ZNF114: variants seen among roughly 807,000 people sequenced by gnomAD.
ZNF114 encodes zinc finger protein 114 (Y18).
ZNF114 carries 8 observed loss-of-function variants against 6.8 expected under a neutral mutation model. The observed-to-expected ratio is 1.18, with a 90% CI of 0.69 to 2.13. The LOEUF (loss-of-function observed/expected upper bound fraction) is 2.13. ZNF114 is among the 30% of genes most tolerant of loss of function. The probability of loss-of-function intolerance (pLI) is 0.00; values close to 1 mark genes in which losing one functional copy is unlikely to be tolerated. For missense variants in ZNF114, 472 were observed against 519.5 expected (o/e 0.91, Z 0.89); for synonymous variants, 169 against 185.5 (o/e 0.91, Z 0.72).
chr19:48,273,868 C>G (rs1477427983), intron 3 of ZNF114, among the ~76,000 whole-genome samples: 1 of 151,376 alleles, frequency 6.6e-6, no homozygotes, highest in Admixed American at 6.6e-5. Flanking sequence ...CGCCATTCTC[C>G]TGCCTCAGGC....
intron 3 of ZNF114, among the ~76,000 whole-genome samples, chr19:48,275,958 G>A (rs555616863): frequency 6.7e-6 from 1 of 149,724 alleles, no homozygotes; most frequent in Admixed American, 6.7e-5. Flanking sequence ...CTCCAGCCCG[G>A]GTGACAGAGT....
chr19:48,286,452 G>C lies in ZNF114; in HGVS notation c.828G>C (p.Lys276Asn). 6.2e-7 allele frequency: 1 copy of C among 1,614,206 alleles called. No homozygotes were observed. The highest frequency in any genetic ancestry group is 8.5e-7 in the Non-Finnish European group (1 of 1,180,042). Reference protein sequence around the residue: ...QMQLYTAETNKKDCQTGATSA... With the variant: ...QMQLYTAETNNKDCQTGATSA... ...AGTTGTATACCGCAGAGACAAACAA[G>C]AAGGATTGTCAAACTGGGGCAACCT... The change falls in exon 6 of 6, where the codon AAG (lysine) becomes AAC (asparagine). Residue 276 changes from lysine to asparagine, a missense_variant. Coordinates refer to ENST00000595607, the MANE Select transcript of ZNF114 (RefSeq NM_153608.4).
At chr19:48,272,523 G>A (rs1967691220) in intron 3 of ZNF114, among the ~76,000 whole-genome samples, 1 of 149,464 alleles carries the variant, frequency 6.7e-6, no homozygotes, top group Non-Finnish European at 1.5e-5. Context: ...GAACCTGGGA[G>A]GTGGAGATTG....
intron 3 of ZNF114, among the ~76,000 whole-genome samples, chr19:48,277,737 C>G (rs769010827): frequency 3.4e-5 from 5 of 147,742 alleles, no homozygotes; most frequent in African/African-American, 1.3e-4. Flanking sequence ...TTCATTGCCT[C>G]CTGCTTCTTA....
intron 3 of ZNF114, among the ~76,000 whole-genome samples, chr19:48,276,703 T>C (rs1383052166): frequency 3.9e-5 from 6 of 152,164 alleles, no homozygotes; most frequent in Non-Finnish European, 8.8e-5. Context: ...TTTAAATTTT[T>C]TGTAGAGATG....
chr19:48,283,744 T>TC (rs1303628563), intron 5 of ZNF114, among the ~76,000 whole-genome samples: 5 of 151,358 alleles, frequency 3.3e-5, no homozygotes, highest in African/African-American at 7.3e-5. Context: ...GTTTTTTTTT[T>TC]GTTTTTGAGA....
intron 3 of ZNF114, among the ~76,000 whole-genome samples, chr19:48,277,104 C>A (rs957986872): frequency 6.6e-6 from 1 of 151,864 alleles, no homozygotes; most frequent in Non-Finnish European, 1.5e-5. Context: ...GAAGTTGCAG[C>A]GAGCTGAGAT....
At chr19:48,276,885 G>A (rs547219691) in intron 3 of ZNF114, among the ~76,000 whole-genome samples, 4 of 152,240 alleles carry the variant, frequency 2.6e-5, no homozygotes, top group South Asian at 2.1e-4. Flanking sequence ...GGGACTGGGC[G>A]TGGTGGCTCA....
chr19:48,280,639 G>A lies in ZNF114; in HGVS notation c.9+831G>A, dbSNP rs190692823. ...ATGATCTCGGCTCACTGCAACCTCC[G>A]CCTTCCAGGTTCAAGTGATTCTCCT... On this transcript the variant is annotated intron_variant, in intron 4 of 5. Coordinates refer to ENST00000595607, the MANE Select transcript of ZNF114 (RefSeq NM_153608.4). Among the ~76,000 whole-genome samples, 890 of 145,924 alleles carry A rather than the reference G, an allele frequency of 6.1e-3. 6 individuals are homozygous for A. Among genetic ancestry groups the A allele is most frequent in the African/African-American group, 0.02 (775 of 39,586 alleles).
chr19:48,285,891 C>T lies in ZNF114; in HGVS notation c.267C>T (p.Asp89=). The change falls in exon 6 of 6, where the codon GAC becomes GAT. Residue 89 remains aspartate (D), a synonymous_variant. Transcript: ENST00000595607. Reference sequence around the variant, plus strand: ...CCCAGCACTCCACATTAAGAGAAGACTGGAGATGCCCCAAAACAGAGGAAC... The same window carrying T: ...CCCAGCACTCCACATTAAGAGAAGATTGGAGATGCCCCAAAACAGAGGAAC... ...ISSQHSTLRE[D]WRCPKTEEPH... is the part of the protein sequence containing the mutation. 6.2e-7 allele frequency: 1 copy of T among 1,614,178 alleles called. No individual in the cohort carries two copies. Among genetic ancestry groups the T allele is most frequent in the Non-Finnish European group, 8.5e-7 (1 of 1,180,046 alleles).
At chr19:48,280,713 C>T (rs925757709) in intron 4 of ZNF114, among the ~76,000 whole-genome samples, 6 of 151,872 alleles carry the variant, frequency 4.0e-5, no homozygotes, top group East Asian at 1.9e-4. Flanking sequence ...CCAGCACGCC[C>T]GGCTAATTTT....
intron 5 of ZNF114, among the ~76,000 whole-genome samples, 171 bp from the exon 6 acceptor site, chr19:48,285,586 GAAAA>G (rs1404089097): frequency 6.7e-6 from 1 of 149,476 alleles, no homozygotes; most frequent in Non-Finnish European, 1.5e-5. Flanking sequence ...GAAAGAAAGA[GAAAA>G]GAAAGAAAGG....
In ZNF114 at chr19:48,282,479, A is replaced by G; in HGVS notation, c.118A>G (p.Arg40Gly). 2 of 1,609,270 alleles carry G rather than the reference A, an allele frequency of 1.2e-6. No homozygotes were observed. Among genetic ancestry groups the G allele is most frequent in the Non-Finnish European group, 1.7e-6 (2 of 1,176,816 alleles). The change falls in exon 5 of 6, where the codon AGG becomes GGG. Residue 40 changes from arginine to glycine, a missense_variant. By Grantham distance (125) the Arg-to-Gly change is moderately radical (BLOSUM62 -2). Coordinates refer to ENST00000595607, the MANE Select transcript of ZNF114 (RefSeq NM_153608.4). Reference sequence around the variant, plus strand: ...CAGAGACGTGATGCTGGAAAATTCTAGGAACTTGGCATTCATAGGTAAGGA... The same window carrying G: ...CAGAGACGTGATGCTGGAAAATTCTGGGAACTTGGCATTCATAGGTAAGGA... Reference protein sequence around the residue: ...LYRDVMLENSRNLAFIDWATP... With the variant: ...LYRDVMLENSGNLAFIDWATP...
intron 5 of ZNF114, among the ~76,000 whole-genome samples, chr19:48,283,455 C>A (rs1319249445): frequency 6.6e-6 from 1 of 152,128 alleles, no homozygotes; most frequent in Non-Finnish European, 1.5e-5. Context: ...TTCAACTAGG[C>A]AAACCCAGTC....
Position 48,279,763 on chromosome 19 carries a change from G to C in ZNF114, c.-37G>C. 1 of 1,613,806 alleles carries C rather than the reference G, an allele frequency of 6.2e-7. No homozygotes were observed. On this transcript the variant is annotated 5_prime_UTR_variant, in exon 4 of 6. Transcript: ENST00000595607. Reference sequence around the variant, plus strand: ...TCACCTGCCTCCTTGAAGGAAACACGGGGAAGCCAGGACTGGCCGTCACGT... The same window carrying C: ...TCACCTGCCTCCTTGAAGGAAACACCGGGAAGCCAGGACTGGCCGTCACGT...
At chr19:48,284,151 G>A (rs987093266) in intron 5 of ZNF114, among the ~76,000 whole-genome samples, 1 of 152,130 alleles carries the variant, frequency 6.6e-6, no homozygotes, top group Non-Finnish European at 1.5e-5. Flanking sequence ...AGTTTCTCAC[G>A]GCATTCCTCA....
chr19:48,276,790 C>A (rs1048531142), intron 3 of ZNF114, among the ~76,000 whole-genome samples: 1 of 152,232 alleles, frequency 6.6e-6, no homozygotes, highest in Non-Finnish European at 1.5e-5. Context: ...TCCCAACATG[C>A]TGGGATTATA....
intron 4 of ZNF114, among the ~76,000 whole-genome samples, chr19:48,281,076 G>A (rs1038252172): frequency 6.6e-6 from 1 of 152,120 alleles, no homozygotes. Flanking sequence ...CCAGCAGTTC[G>A]AAGCTGCCGT....
At position 48,277,794 on chromosome 19, in the gene ZNF114, G is replaced by GGTGTGTGTGTGTGTGTGTGTGTGTGT. The variant is rs749201884; in HGVS notation, c.-69-1922_-69-1897dup. Among the ~76,000 whole-genome samples, 527 of 119,330 alleles carry GGTGTGTGTGTGTGTGTGTGTGTGTGT rather than the reference G, an allele frequency of 4.4e-3. 13 individuals are homozygous for GGTGTGTGTGTGTGTGTGTGTGTGTGT. The highest frequency in any genetic ancestry group is 0.015 in the East Asian group (58 of 3,970). 78.3% of individuals were successfully genotyped at this position (119,330 alleles called of 152,430 possible). On this transcript the variant is annotated intron_variant, in intron 3 of 5. Coordinates refer to ENST00000595607, the MANE Select transcript of ZNF114 (RefSeq NM_153608.4). ...GAATAGACTGACCAGGGAGGCATTG[G>GGTGTGTGTGTGTGTGTGTGTGTGTGT]GTGTGTGTGTGTGTGTGTGTGTGTG...
Sources: gnomAD v4.1 joint callset for allele counts (sites outside exome capture counted in the v4.1 genomes callset) on GRCh38, gnomAD v4.1.1 for gene constraint, MANE v1.5 for transcripts, NCBI Gene and HGNC (gene_info 2026-07-23, HGNC 2026-07-21) for gene names.